The following ZNF609 variants were observed in gnomAD, a reference collection of about 807,000 sequenced individuals.
The protein encoded by ZNF609 is zinc finger protein 609.
A neutral mutation model predicts 109.5 loss-of-function variants in ZNF609; 11 were observed. That is an observed-to-expected ratio of 0.10 (90% CI 0.06 to 0.17). The LOEUF is 0.17. Among genes scored for constraint, ZNF609 ranks in the 10% least tolerant of loss-of-function variants. The pLI is 1.00. For missense variants in ZNF609, 1,559 were observed against 1,772.4 expected, an observed-to-expected ratio of 0.88 and a Z score of 2.16; for synonymous variants, 646 against 662.0, an observed-to-expected ratio of 0.98 and a Z score of 0.37.
At chr15:64,592,332 T>G (rs1895313037) in intron 2 of ZNF609, among the ~76,000 whole-genome samples, 1 of 152,184 alleles carries the variant, frequency 6.6e-6, no homozygotes, top group Non-Finnish European at 1.5e-5. Context: ...ATCCCAGCAC[T>G]TTGGGAGGCC....
At chr15:64,663,009 A>G (rs554220734) in intron 3 of ZNF609, among the ~76,000 whole-genome samples, 4 of 152,166 alleles carry the variant, frequency 2.6e-5, no homozygotes, top group Non-Finnish European at 4.4e-5. Context: ...AATAGGTGAT[A>G]CATACAGATG....
At chr15:64,626,704 C>A (rs1322024743) in intron 3 of ZNF609, among the ~76,000 whole-genome samples, 1 of 152,136 alleles carries the variant, frequency 6.6e-6, no homozygotes, top group Non-Finnish European at 1.5e-5. Context: ...TTCTTTCTTT[C>A]CTCTTCTCTC....
chr15:64,593,713 A>C (rs1441217930), intron 2 of ZNF609, among the ~76,000 whole-genome samples: 1 of 152,130 alleles, frequency 6.6e-6, no homozygotes, highest in Non-Finnish European at 1.5e-5. Context: ...TATTTTTTGT[A>C]GGTACAGGGT....
intron 3 of ZNF609, among the ~76,000 whole-genome samples, chr15:64,629,733 A>G (rs918649995): frequency 1.3e-5 from 2 of 152,190 alleles, no homozygotes; most frequent in African/African-American, 2.4e-5. Flanking sequence ...CCCCGCACAA[A>G]ATAGGGGCTC....
chr15:64,622,670 TATC>T (rs1895894527), intron 2 of ZNF609, among the ~76,000 whole-genome samples, 154 bp from the exon 3 acceptor site: 1 of 152,194 alleles, frequency 6.6e-6, no homozygotes, highest in African/African-American at 2.4e-5. Context: ...TTTGTAGTGG[TATC>T]ATAAGCCAGA....
In ZNF609 at chr15:64,479,284, AT is replaced by A. The variant is rs34496032; in HGVS notation, c.-128+18471del. 6.0e-4 allele frequency among the ~76,000 whole-genome samples: 52 copies of A among 86,522 alleles called. 1 individual carries two copies. The highest frequency in any genetic ancestry group is 2.4e-3 in the African/African-American group (46 of 19,496). 56.8% of individuals were successfully genotyped at this position (86,522 alleles called of 152,430 possible). A position where few individuals can be genotyped will look rare whatever the true frequency, so the allele number is the denominator to read the frequency against. ...AAAACCTATATATTGTACCTGTGTGATTTTTTTTTTTTTTTTTTTTTTTTTG... is the reference window on the plus strand; with the variant it reads ...AAAACCTATATATTGTACCTGTGTGATTTTTTTTTTTTTTTTTTTTTTTTG... On this transcript the variant is annotated intron_variant, in intron 1 of 9. Transcript: ENST00000326648.
intron 2 of ZNF609, among the ~76,000 whole-genome samples, chr15:64,579,508 C>T (rs1051902910): frequency 6.6e-5 from 10 of 151,082 alleles, no homozygotes; most frequent in African/African-American, 1.9e-4. Context: ...GTCAGGGGTT[C>T]GATACTAGCC....
rs1437836503 is a variant in ZNF609 at position 64,685,622 on chromosome 15, A to C, written c.*3936A>C. 2 of 152,692 alleles carry C rather than the reference A, an allele frequency of 1.3e-5. No homozygotes were observed. The highest frequency in any genetic ancestry group is 4.8e-5 in the African/African-American group (2 of 41,366). The allele number at this position is 152,692 out of a possible 1,614,324, so 9.5% of individuals were successfully genotyped here. Reference sequence around the variant, plus strand: ...TTTCCTGGAGGCCCTGGCTTGGGACACTCACCTGTGAAACTATGCAGCTGG... The same window carrying C: ...TTTCCTGGAGGCCCTGGCTTGGGACCCTCACCTGTGAAACTATGCAGCTGG... On this transcript the variant is annotated 3_prime_UTR_variant, in exon 10 of 10. Coordinates refer to ENST00000326648, the MANE Select transcript of ZNF609 (RefSeq NM_015042.2).
intron 1 of ZNF609, among the ~76,000 whole-genome samples, chr15:64,477,951 A>G (rs1276346395): frequency 1.3e-5 from 2 of 152,018 alleles, no homozygotes; most frequent in Admixed American, 6.6e-5. Flanking sequence ...TTCTGTCCAC[A>G]TGTTATATTG....
At chr15:64,519,505 A>G (rs1893861195) in intron 2 of ZNF609, among the ~76,000 whole-genome samples, 1 of 152,200 alleles carries the variant, frequency 6.6e-6, no homozygotes, top group South Asian at 2.1e-4. Context: ...ACATATGTCT[A>G]TACAAACATT....
chr15:64,529,144 G>A, intron 2 of ZNF609: 1 of 747,606 alleles, frequency 1.3e-6, no homozygotes, highest in East Asian at 2.5e-5. Context: ...GTGAACTGTG[G>A]TCATGAATCC....
At chr15:64,492,455 G>A (rs1893426814) in intron 1 of ZNF609, among the ~76,000 whole-genome samples, 1 of 152,060 alleles carries the variant, frequency 6.6e-6, no homozygotes, top group Non-Finnish European at 1.5e-5. Flanking sequence ...CTTGTGAAAG[G>A]TAGAACCATG....
chr15:64,477,047 A>C (rs990377711), intron 1 of ZNF609, among the ~76,000 whole-genome samples: 3 of 152,046 alleles, frequency 2.0e-5, no homozygotes, highest in Non-Finnish European at 2.9e-5. Flanking sequence ...AGCAGCCTAA[A>C]GATGAAGTTT....
intron 2 of ZNF609, chr15:64,529,621 CA>C: frequency 9.6e-7 from 1 of 1,045,506 alleles, no homozygotes; most frequent in Non-Finnish European, 1.5e-6. Flanking sequence ...CATGGTGCAC[CA>C]GGCACCCAGT....
At chr15:64,579,615 C>T (rs1018048377) in intron 2 of ZNF609, among the ~76,000 whole-genome samples, 1 of 151,198 alleles carries the variant, frequency 6.6e-6, no homozygotes, top group South Asian at 2.1e-4. Flanking sequence ...GAGGGTGAGG[C>T]AGGAGAATCA....
chr15:64,555,979 G>T (rs1322734567), intron 2 of ZNF609, among the ~76,000 whole-genome samples: 4 of 147,114 alleles, frequency 2.7e-5, no homozygotes, highest in Non-Finnish European at 4.5e-5. Context: ...TAGCAATAAC[G>T]CAATAACTAC....
chr15:64,518,480 G>A (rs1435964421), intron 2 of ZNF609, among the ~76,000 whole-genome samples: 2 of 152,220 alleles, frequency 1.3e-5, no homozygotes, highest in East Asian at 1.9e-4. Context: ...GGCCTTAAAA[G>A]CCTTGTTAAA....
rs140107619 is a variant in ZNF609, at chr15:64,560,085, C to T, written c.747+59919C>T. On this transcript the variant is annotated intron_variant, in intron 2 of 9. Coordinates refer to ENST00000326648, the MANE Select transcript of ZNF609 (RefSeq NM_015042.2). ...TTTTTGAGACTGAGTCTCGCTCTGTCACCACGCTAGAGTGCAGTGGCACAA... is the reference window on the plus strand; with the variant it reads ...TTTTTGAGACTGAGTCTCGCTCTGTTACCACGCTAGAGTGCAGTGGCACAA... 2.3e-3 allele frequency among the ~76,000 whole-genome samples: 343 copies of T among 152,234 alleles called. 1 individual carries two copies. Among genetic ancestry groups the T allele is most frequent in the African/African-American group, 8.0e-3 (334 of 41,534 alleles).
intron 3 of ZNF609, among the ~76,000 whole-genome samples, chr15:64,644,693 C>T (rs1028861365): frequency 2.0e-5 from 3 of 152,112 alleles, no homozygotes; most frequent in African/African-American, 7.2e-5. Flanking sequence ...CATGTAAGTC[C>T]AAAGTGGATA....
Sources: gnomAD v4.1 joint callset for allele counts (sites outside exome capture counted in the v4.1 genomes callset) on GRCh38, gnomAD v4.1.1 for gene constraint, MANE v1.5 for transcripts, NCBI Gene and HGNC (gene_info 2026-07-23, HGNC 2026-07-21) for gene names.